The following GPC5 variants were observed in gnomAD, a reference collection of about 807,000 sequenced individuals.
GPC5 encodes the protein glypican 5, also known as glypican-5.
A neutral mutation model predicts 53.9 loss-of-function variants in GPC5; 47 were observed. The observed-to-expected ratio is 0.87, with a 90% CI of 0.69 to 1.11. The LOEUF is 1.11. Ranked by LOEUF, GPC5 falls within the 50% of genes most tolerant of loss-of-function variation. The pLI is 0.00. For synonymous variants in GPC5, 286 were observed against 263.3 expected (o/e 1.09, Z -0.84); for missense variants, 748 against 713.1 (o/e 1.05, Z -0.56).
intron 7 of GPC5, among the ~76,000 whole-genome samples, chr13:92,200,583 A>G (rs1167742551): frequency 7.9e-5 from 12 of 152,208 alleles, no homozygotes; most frequent in Non-Finnish European, 1.2e-4. Flanking sequence ...AAATTATCTC[A>G]GACTGTTTTT....
chr13:92,297,569 T>G (rs2139192739), intron 7 of GPC5, among the ~76,000 whole-genome samples: 1 of 152,282 alleles, frequency 6.6e-6, no homozygotes, highest in East Asian at 1.9e-4. Flanking sequence ...TGTATCTAGC[T>G]GCTCTGGTGG....
At chr13:91,533,139 T>C (rs1027602265) in intron 2 of GPC5, among the ~76,000 whole-genome samples, 3 of 151,994 alleles carry the variant, frequency 2.0e-5, no homozygotes, top group African/African-American at 7.3e-5. Context: ...GCTTGGGAGG[T>C]AAGAAAACCA....
intron 7 of GPC5, among the ~76,000 whole-genome samples, chr13:92,704,447 A>G (rs1184015096): frequency 6.6e-6 from 1 of 152,028 alleles, no homozygotes; most frequent in East Asian, 1.9e-4. Flanking sequence ...AAGCCTATTT[A>G]TCTCTAGGCT....
rs180799620 is a variant in GPC5, at chr13:92,397,086, T to A, written c.1561+252097T>A. Among the ~76,000 whole-genome samples, 8 of 152,302 alleles carry A rather than the reference T, an allele frequency of 5.3e-5. No homozygotes were observed. The East Asian group carries it at 1.4e-3, about 26-fold the overall frequency. ...GAGATAAAACCATAAAAATGTAGAT[T>A]TCTAGCAGGAGTTTCTCACTGTTAA... is the stretch of plus-strand genomic sequence containing the variant. On this transcript the variant is annotated intron_variant, in intron 7 of 7. Coordinates refer to ENST00000377067, the MANE Select transcript of GPC5 (RefSeq NM_004466.6).
At chr13:92,266,138 T>C (rs1332991785) in intron 7 of GPC5, among the ~76,000 whole-genome samples, 1 of 152,164 alleles carries the variant, frequency 6.6e-6, no homozygotes, top group Non-Finnish European at 1.5e-5. Context: ...AAGTTTCCAG[T>C]GCATATTTTT....
intron 6 of GPC5, among the ~76,000 whole-genome samples, chr13:92,101,506 C>T (rs984158263): frequency 1.3e-5 from 2 of 152,162 alleles, no homozygotes; most frequent in Admixed American, 1.3e-4. Context: ...TTCACTATTT[C>T]CAGGGCTATC....
At chr13:92,415,951 T>C (rs1185808324) in intron 7 of GPC5, among the ~76,000 whole-genome samples, 1 of 152,196 alleles carries the variant, frequency 6.6e-6, no homozygotes, top group African/African-American at 2.4e-5. Flanking sequence ...TATTTAAGCA[T>C]AAATTACAGA....
In GPC5 at chr13:91,600,330, AGAGAGAGAGAGAGAGAGAGT is replaced by A. The variant is rs779107822; in HGVS notation, c.326-92855_326-92836del. On this transcript the variant is annotated intron_variant, in intron 2 of 7. Coordinates refer to ENST00000377067, the MANE Select transcript of GPC5 (RefSeq NM_004466.6). ...CAGAGAGAGAGAGAGAGAGAGAGAG[AGAGAGAGAGAGAGAGAGAGT>A]GTGTGTGTGTGTGTGTGTATAGACA... Among the ~76,000 whole-genome samples, 340 of 97,558 alleles carry A rather than the reference AGAGAGAGAGAGAGAGAGAGT, an allele frequency of 3.5e-3. 2 individuals are homozygous for A. Among genetic ancestry groups the A allele is most frequent in the African/African-American group, 8.7e-3 (163 of 18,644 alleles). 64.0% of individuals were successfully genotyped at this position (97,558 alleles called of 152,430 possible).
chr13:91,568,320 A>C lies in GPC5; in HGVS notation c.325+119398A>C, dbSNP rs570698615. ...TCTTTGCCCTCATCCAGAACTACTGAATCTGAATCTATATTTTAGCTAACT... is the reference window on the plus strand; with the variant it reads ...TCTTTGCCCTCATCCAGAACTACTGCATCTGAATCTATATTTTAGCTAACT... On this transcript the variant is annotated intron_variant, in intron 2 of 7. Coordinates refer to ENST00000377067, the MANE Select transcript of GPC5 (RefSeq NM_004466.6). Among the ~76,000 whole-genome samples the C allele has an allele frequency of 3.3e-5, 5 of 152,286 alleles. No homozygotes were observed. The East Asian group carries it at 9.7e-4, about 29-fold the overall frequency.
intron 1 of GPC5, among the ~76,000 whole-genome samples, chr13:91,399,736 C>G (rs1308463568): frequency 6.6e-6 from 1 of 152,086 alleles, no homozygotes; most frequent in Non-Finnish European, 1.5e-5. Flanking sequence ...CCCTGTGCAC[C>G]CAGAGACGTG....
chr13:91,479,404 A>G (rs1394939715), intron 2 of GPC5, among the ~76,000 whole-genome samples: 5 of 152,148 alleles, frequency 3.3e-5, no homozygotes, highest in Non-Finnish European at 5.9e-5. Flanking sequence ...ACCAAATTGT[A>G]CACTGTATGC....
chr13:92,049,130 A>G (rs993871198), intron 6 of GPC5, among the ~76,000 whole-genome samples: 2 of 152,194 alleles, frequency 1.3e-5, no homozygotes, highest in African/African-American at 4.8e-5. Context: ...TTAATAATCA[A>G]TGACTTCAAG....
At chr13:91,669,117 C>G (rs2035185043) in intron 2 of GPC5, among the ~76,000 whole-genome samples, 1 of 152,096 alleles carries the variant, frequency 6.6e-6, no homozygotes, top group South Asian at 2.1e-4. Flanking sequence ...CAGAAAAGAT[C>G]ATGAAATATG....
chr13:92,161,220 A>C (rs2041985750), intron 7 of GPC5, among the ~76,000 whole-genome samples: 1 of 152,170 alleles, frequency 6.6e-6, no homozygotes, highest in South Asian at 2.1e-4. Context: ...CAGAGTATAG[A>C]GTTCTAGCCA....
At chr13:92,281,216 G>C (rs184601629) in intron 7 of GPC5, among the ~76,000 whole-genome samples, 1 of 152,208 alleles carries the variant, frequency 6.6e-6, no homozygotes, top group Admixed American at 6.5e-5. Flanking sequence ...GCCTGCCATT[G>C]CTGAGGCTTC....
chr13:91,958,358 C>T (rs889546810), intron 6 of GPC5, among the ~76,000 whole-genome samples: 3 of 151,696 alleles, frequency 2.0e-5, no homozygotes, highest in African/African-American at 7.3e-5. Context: ...ATATGTGCGC[C>T]CAAGGTCAGA....
Position 92,661,356 on chromosome 13 carries a change from TATA to T in GPC5, c.1562-204923_1562-204921del, listed in dbSNP as rs539615088. 2.0e-5 allele frequency among the ~76,000 whole-genome samples: 3 copies of T among 152,066 alleles called. No individual in the cohort carries two copies. In the South Asian group the frequency reaches 6.2e-4, roughly 32 times the overall value. On this transcript the variant is annotated intron_variant, in intron 7 of 7. Coordinates refer to ENST00000377067, the MANE Select transcript of GPC5 (RefSeq NM_004466.6). ...AATTTGAAAAAAAAAAATAGACAAT[TATA>T]ATCAATTAAGACTCAATTGTCAACA...
chr13:91,831,809 C>T (rs2038663324), intron 5 of GPC5, among the ~76,000 whole-genome samples: 1 of 151,948 alleles, frequency 6.6e-6, no homozygotes. Flanking sequence ...TTTGATTGCA[C>T]TGTGGTCTGA....
chr13:91,691,452 A>G (rs1456703931), intron 2 of GPC5, among the ~76,000 whole-genome samples: 1 of 152,150 alleles, frequency 6.6e-6, no homozygotes. Context: ...TCTCAATTGA[A>G]GCCTTCTCAT....
Sources: gnomAD v4.1 joint callset for allele counts (sites outside exome capture counted in the v4.1 genomes callset) on GRCh38, gnomAD v4.1.1 for gene constraint, MANE v1.5 for transcripts, NCBI Gene and HGNC (gene_info 2026-07-23, HGNC 2026-07-21) for gene names.